CXCL13: variants seen among roughly 807,000 people sequenced by gnomAD.
CXCL13 encodes the protein C-X-C motif chemokine 13.
CXCL13 carries 7 observed loss-of-function variants against 12.2 expected under a neutral mutation model. The observed-to-expected ratio is 0.57, with a 90% CI of 0.33 to 1.07. The LOEUF (loss-of-function observed/expected upper bound fraction) is 1.07, where lower values mean the gene tolerates loss of function less well. Ranked by LOEUF, CXCL13 falls within the 50% of genes least tolerant of loss-of-function variation. The probability of loss-of-function intolerance (pLI) is 0.04; values close to 1 mark genes in which losing one functional copy is unlikely to be tolerated. For synonymous variants in CXCL13, 47 were observed against 42.4 expected (o/e 1.11, Z -0.42); for missense variants, 113 against 127.4 (o/e 0.89, Z 0.55).
At position 77,533,639 on chromosome 4, in the gene CXCL13, C is replaced by T. The variant is rs559980836; in HGVS notation, c.-43+21851C>T. 2.0e-5 allele frequency among the ~76,000 whole-genome samples: 3 copies of T among 152,312 alleles called. No homozygotes were observed. The South Asian group carries it at 6.2e-4, about 32-fold the overall frequency. ...TGTGCCCTGCCCCCAGAGGTGGAGTCTATAGCGGTAGGCAGGCCTCCTTGA... is the reference window on the plus strand; with the variant it reads ...TGTGCCCTGCCCCCAGAGGTGGAGTTTATAGCGGTAGGCAGGCCTCCTTGA... On this transcript the variant is annotated intron_variant, in intron 1 of 4. Transcript: ENST00000286758.
upstream of CXCL13, among the ~76,000 whole-genome samples, chr4:77,604,803 A>T (rs1316237592): frequency 6.6e-6 from 1 of 152,082 alleles, no homozygotes. Flanking sequence ...CAAAAACCAA[A>T]TTGTTTAGGA....
At chr4:77,568,631 T>C (rs1725993013) in intron 1 of CXCL13, among the ~76,000 whole-genome samples, 1 of 152,200 alleles carries the variant, frequency 6.6e-6, no homozygotes, top group Non-Finnish European at 1.5e-5. Context: ...CTCGTGCCTC[T>C]GGTGTTTGCT....
At chr4:77,551,334 T>G (rs911619355) in intron 1 of CXCL13, among the ~76,000 whole-genome samples, 4 of 152,238 alleles carry the variant, frequency 2.6e-5, no homozygotes, top group African/African-American at 9.6e-5. Context: ...ATTCCCTTAA[T>G]GCTTGCTTGT....
At chr4:77,540,743 T>A (rs1725189128) in intron 1 of CXCL13, among the ~76,000 whole-genome samples, 2 of 152,142 alleles carry the variant, frequency 1.3e-5, no homozygotes, top group South Asian at 4.1e-4. Context: ...GTGCGTGTGG[T>A]TTTTTGGTAT....
At chr4:77,583,521 G>A (rs1420534222) in intron 1 of CXCL13, among the ~76,000 whole-genome samples, 1 of 152,220 alleles carries the variant, frequency 6.6e-6, no homozygotes, top group Non-Finnish European at 1.5e-5. Flanking sequence ...ATTTCAGAAT[G>A]TATCACTCCT....
chr4:77,600,679 G>A (rs1010972755), intron 1 of CXCL13, among the ~76,000 whole-genome samples: 26 of 152,212 alleles, frequency 1.7e-4, no homozygotes, highest in African/African-American at 6.3e-4. Flanking sequence ...ACATTGGTAT[G>A]TGGTGGCCTC....
intron 2 of CXCL13, among the ~76,000 whole-genome samples, chr4:77,609,311 G>T (rs865883188): frequency 8.1e-5 from 12 of 148,642 alleles, no homozygotes; most frequent in Middle Eastern, 3.4e-3. Context: ...TTTTTTTTTT[G>T]TTTTGTTTTG....
chr4:77,572,114 T>C (rs1409303992), intron 1 of CXCL13, among the ~76,000 whole-genome samples: 1 of 151,892 alleles, frequency 6.6e-6, no homozygotes, highest in Non-Finnish European at 1.5e-5. Context: ...ATTCTTGAAG[T>C]CAGTGAGACC....
At chr4:77,529,642 C>T (rs181245038) in intron 1 of CXCL13, among the ~76,000 whole-genome samples, 2 of 152,166 alleles carry the variant, frequency 1.3e-5, no homozygotes, top group Non-Finnish European at 2.9e-5. Context: ...TGAGACTTTG[C>T]TGAAGTTGCC....
chr4:77,543,217 G>A (rs1163353068), intron 1 of CXCL13, among the ~76,000 whole-genome samples: 1 of 151,798 alleles, frequency 6.6e-6, no homozygotes, highest in Non-Finnish European at 1.5e-5. Flanking sequence ...GGTCACTTTT[G>A]TCATTTCTGG....
chr4:77,576,672 AC>A (rs34757935), intron 1 of CXCL13, among the ~76,000 whole-genome samples: 7,498 of 152,180 alleles, frequency 0.049, 630 homozygotes, highest in African/African-American at 0.17. Context: ...GATGGCAAAA[AC>A]CCATGGATGG....
At chr4:77,589,541 G>GGTAT (rs61503327) in intron 1 of CXCL13, among the ~76,000 whole-genome samples, 45,639 of 151,374 alleles carry the variant, frequency 0.3, 7,563 homozygotes, top group Middle Eastern at 0.47. Context: ...ATTGTAGGCA[G>GGTAT]GTATGTATGT....
intron 2 of CXCL13, 108 bp downstream of exon 2, chr4:77,607,943 T>C: frequency 8.7e-7 from 1 of 1,149,328 alleles, no homozygotes; most frequent in Non-Finnish European, 1.2e-6. Context: ...TTTACTTGAG[T>C]GTTGCTAAAA....
intron 1 of CXCL13, among the ~76,000 whole-genome samples, chr4:77,584,369 T>C (rs1726404131): frequency 6.6e-6 from 1 of 152,184 alleles, no homozygotes; most frequent in Non-Finnish European, 1.5e-5. Flanking sequence ...AGACAGTTGA[T>C]GGGACTCATG....
chr4:77,575,599 A>T (rs775132548), intron 1 of CXCL13, among the ~76,000 whole-genome samples: 2 of 151,824 alleles, frequency 1.3e-5, no homozygotes, highest in Non-Finnish European at 2.9e-5. Context: ...TTCCTGCTTC[A>T]TCCATGTCCC....
chr4:77,609,274 G>C (rs1328347073), intron 2 of CXCL13, among the ~76,000 whole-genome samples: 1 of 149,894 alleles, frequency 6.7e-6, no homozygotes, highest in Non-Finnish European at 1.5e-5. Context: ...GGTTTTTGTG[G>C]TTTGTTTCTG....
chr4:77,538,955 C>A (rs1310316346), intron 1 of CXCL13, among the ~76,000 whole-genome samples: 1 of 151,886 alleles, frequency 6.6e-6, no homozygotes, highest in Non-Finnish European at 1.5e-5. Flanking sequence ...AGTTTTAGAA[C>A]AAGAGTGAAA....
intron 1 of CXCL13, among the ~76,000 whole-genome samples, chr4:77,532,629 C>T (rs967437953): frequency 1.3e-5 from 2 of 152,168 alleles, no homozygotes; most frequent in African/African-American, 4.8e-5. Context: ...TGGATAATAT[C>T]CTGTAGAGTG....
chr4:77,534,180 T>A (rs1442277042), intron 1 of CXCL13, among the ~76,000 whole-genome samples: 1 of 151,308 alleles, frequency 6.6e-6, no homozygotes, highest in African/African-American at 2.4e-5. Flanking sequence ...TGGTTCCACC[T>A]GGCAGTTTCT....
Sources: allele counts gnomAD v4.1 joint callset (sites outside exome capture counted in the v4.1 genomes callset), GRCh38; gene constraint gnomAD v4.1.1; transcripts MANE v1.5; gene names NCBI Gene and HGNC (gene_info 2026-07-23, HGNC 2026-07-21).